Variants in STK39 observed in about 807,000 individuals in gnomAD.
STK39 encodes the protein STE20/SPS1-related proline-alanine-rich protein kinase.
In STK39, 20 loss-of-function variants were observed where a neutral mutation model predicts 77.8. The observed-to-expected ratio is 0.26, with a 90% CI of 0.18 to 0.37. STK39 has a LOEUF of 0.37. Ranked by LOEUF, STK39 falls within the 10% of genes least tolerant of loss-of-function variation. The probability of loss-of-function intolerance (pLI) is 1.00; values close to 1 mark genes in which losing one functional copy is unlikely to be tolerated. For synonymous variants in STK39, 246 were observed against 234.1 expected (o/e 1.05, Z -0.47); for missense variants, 479 against 656.5 (o/e 0.73, Z 2.95).
intron 5 of STK39, among the ~76,000 whole-genome samples, chr2:168,146,524 C>A (rs1688145304): frequency 6.6e-6 from 1 of 152,136 alleles, no homozygotes; most frequent in Non-Finnish European, 1.5e-5. Context: ...TAGGAGCCCC[C>A]ATAGCTTCAG....
chr2:168,195,245 T>A (rs6714584), intron 1 of STK39, among the ~76,000 whole-genome samples: 151,399 of 152,290 alleles, frequency 0.99, 75,258 homozygotes, highest in Middle Eastern at 1. Flanking sequence ...AAAATTTTTT[T>A]AAAAATTAGC....
Position 167,978,254 on chromosome 2 carries a change from G to A in STK39, c.1499-13528C>T, listed in dbSNP as rs111693677. ...GTAGCTAATATGTTAATCCTACAAA[G>A]GCAGATTGTTTCCCAGGCAAGAGGT... is the stretch of plus-strand genomic sequence containing the variant. On this transcript the variant is annotated intron_variant, in intron 16 of 17. Transcript: ENST00000355999. Among the ~76,000 whole-genome samples, 175 of 152,280 alleles carry A rather than the reference G, an allele frequency of 1.1e-3. 2 individuals carry two copies. The highest frequency in any genetic ancestry group is 3.7e-3 in the African/African-American group (153 of 41,558).
intron 1 of STK39, among the ~76,000 whole-genome samples, chr2:168,211,268 G>A (rs756657919): frequency 4.5e-4 from 68 of 152,144 alleles, no homozygotes; most frequent in Non-Finnish European, 6.9e-4. Context: ...ACTAAATATG[G>A]ATGTATTGCT....
chr2:167,999,857 C>G, intron 16 of STK39, among the ~76,000 whole-genome samples: 1 of 152,222 alleles, frequency 6.6e-6, no homozygotes, highest in East Asian at 1.9e-4. Flanking sequence ...CCCGCTACTT[C>G]TGCATGGAAG....
chr2:168,051,327 G>A (rs1685389494), intron 14 of STK39, among the ~76,000 whole-genome samples: 1 of 152,086 alleles, frequency 6.6e-6, no homozygotes, highest in South Asian at 2.1e-4. Flanking sequence ...AAAATACAAA[G>A]GCATTTGTTA....
intron 17 of STK39, among the ~76,000 whole-genome samples, chr2:167,961,597 T>C (rs1289347606): frequency 6.6e-6 from 1 of 152,086 alleles, no homozygotes; most frequent in African/African-American, 2.4e-5. Context: ...AAAAAATACA[T>C]CAAACTCAAA....
At chr2:168,131,385 G>A (rs1021649816) in intron 8 of STK39, among the ~76,000 whole-genome samples, 8 of 152,110 alleles carry the variant, frequency 5.3e-5, no homozygotes, top group Non-Finnish European at 1.2e-4. Flanking sequence ...ATTGTAGCAG[G>A]GGGTGGGGCG....
At chr2:168,122,836 T>C (rs1687443694) in intron 10 of STK39, among the ~76,000 whole-genome samples, 1 of 152,202 alleles carries the variant, frequency 6.6e-6, no homozygotes, top group African/African-American at 2.4e-5. Context: ...AAAGTATAAA[T>C]GTTTCCTTGA....
intron 1 of STK39, among the ~76,000 whole-genome samples, chr2:168,213,313 G>C (rs1347866774): frequency 6.6e-6 from 1 of 152,168 alleles, no homozygotes; most frequent in Non-Finnish European, 1.5e-5. Context: ...ATTGCCATGA[G>C]TAGGGTAAAA....
chr2:167,958,757 T>C (rs541931181), intron 17 of STK39, among the ~76,000 whole-genome samples: 1 of 152,378 alleles, frequency 6.6e-6, no homozygotes, highest in South Asian at 2.1e-4. Flanking sequence ...TTAATGTTAG[T>C]TGCAATGTAC....
Position 168,034,158 on chromosome 2 carries a change from G to A in STK39, c.1377-17063C>T, listed in dbSNP as rs548290058. Among the ~76,000 whole-genome samples, 3 of 152,304 alleles carry A rather than the reference G, an allele frequency of 2.0e-5. No individual in the cohort carries two copies. In the South Asian group the frequency reaches 6.2e-4, roughly 32 times the overall value. ...CAAGATTTGGGGGAGGCAGGCCCCT[G>A]CATGTCCTCAAGCGGCCCAGCATTG... On this transcript the variant is annotated intron_variant, in intron 14 of 17. Coordinates refer to ENST00000355999, the MANE Select transcript of STK39 (RefSeq NM_013233.3).
At chr2:168,064,787 CT>C (rs780408899) in intron 13 of STK39, among the ~76,000 whole-genome samples, 2 of 152,320 alleles carry the variant, frequency 1.3e-5, no homozygotes, top group South Asian at 4.1e-4. Flanking sequence ...GCCCCTAGGC[CT>C]TTCCCTGGAT....
intron 14 of STK39, among the ~76,000 whole-genome samples, chr2:168,053,046 T>C (rs1421598776): frequency 6.6e-6 from 1 of 152,236 alleles, no homozygotes. Context: ...ATCTTCAGGC[T>C]TCTCAAAGTC....
At chr2:168,101,617 A>G (rs1187590132) in intron 10 of STK39, among the ~76,000 whole-genome samples, 1 of 152,070 alleles carries the variant, frequency 6.6e-6, no homozygotes, top group Non-Finnish European at 1.5e-5. Flanking sequence ...GTGCACCTAT[A>G]GTCCCAGCTA....
chr2:168,198,010 C>T (rs1689515536), intron 1 of STK39, among the ~76,000 whole-genome samples: 1 of 150,310 alleles, frequency 6.7e-6, no homozygotes, highest in African/African-American at 2.5e-5. Context: ...TGCACTCCAG[C>T]CTGGGCAAAA....
At chr2:167,978,687 C>T (rs748659593) in intron 16 of STK39, among the ~76,000 whole-genome samples, 2 of 152,172 alleles carry the variant, frequency 1.3e-5, no homozygotes, top group Non-Finnish European at 2.9e-5. Context: ...TGTGTACACA[C>T]TCATGAAACC....
At chr2:168,050,743 C>A (rs1685374536) in intron 14 of STK39, among the ~76,000 whole-genome samples, 1 of 152,168 alleles carries the variant, frequency 6.6e-6, no homozygotes, top group Non-Finnish European at 1.5e-5. Context: ...ACTCTTCTGA[C>A]CTACAGACTG....
chr2:168,049,456 T>C (rs1439680960), intron 14 of STK39, among the ~76,000 whole-genome samples: 2 of 152,228 alleles, frequency 1.3e-5, no homozygotes, highest in African/African-American at 4.8e-5. Flanking sequence ...TTTTCTTTCA[T>C]TGGAAGCTAT....
chr2:168,204,958 A>T (rs185057072), intron 1 of STK39, among the ~76,000 whole-genome samples: 2 of 152,370 alleles, frequency 1.3e-5, no homozygotes, highest in African/African-American at 4.8e-5. Context: ...ACAATTAAGA[A>T]GGCAAACCAG....
Sources: allele counts gnomAD v4.1 joint callset (sites outside exome capture counted in the v4.1 genomes callset), GRCh38; gene constraint gnomAD v4.1.1; transcripts MANE v1.5; gene names NCBI Gene and HGNC (gene_info 2026-07-23, HGNC 2026-07-21).